NAV1: variants seen among roughly 807,000 people sequenced by gnomAD.
The protein encoded by NAV1 is pore membrane and/or filament interacting like protein 3.
A neutral mutation model predicts 175.2 loss-of-function variants in NAV1; 18 were observed. The ratio of observed to expected loss-of-function variants is 0.10; its 90% CI spans 0.07 to 0.15. The LOEUF is 0.15. Ranked by LOEUF, NAV1 falls within the 10% of genes least tolerant of loss-of-function variation. The pLI is 1.00. For synonymous variants in NAV1, 897 were observed against 978.7 expected (o/e 0.92, Z 1.56); for missense variants, 1,731 against 2,436.6 (o/e 0.71, Z 6.10).
intron 1 of NAV1, among the ~76,000 whole-genome samples, chr1:201,540,972 C>T (rs1665496499): frequency 6.6e-6 from 1 of 152,080 alleles, no homozygotes; most frequent in African/African-American, 2.4e-5. Flanking sequence ...CTGAACTTTC[C>T]AGGTGAAAGA....
chr1:201,811,934 G>A (rs1056794927), exon 26 of NAV1: 1 of 1,614,138 alleles, frequency 6.2e-7, no homozygotes, highest in Admixed American at 1.7e-5. Context: ...CAATCAGCCT[G>A]TAAAAATGAC....
At chr1:201,789,272 C>T (rs557581659) in intron 10 of NAV1, among the ~76,000 whole-genome samples, 1 of 152,246 alleles carries the variant, frequency 6.6e-6, no homozygotes, top group South Asian at 2.1e-4. Flanking sequence ...ATGCATATTC[C>T]TCACTTAAAT....
In NAV1 at chr1:201,786,466, C is replaced by T. The variant is rs1676754553; in HGVS notation, c.2884C>T (p.Arg962Ter). The T allele has an allele frequency of 6.2e-7, 1 of 1,613,748 alleles. No homozygotes were observed. Among genetic ancestry groups the T allele is most frequent in the East Asian group, 2.2e-5 (1 of 44,874 alleles). ...GTCCCAGGAGGAGACCAAGGAGAGG[C>T]GACATTCCCATACCATTGGTGGGCT... Residue 962 changes from arginine to a stop codon, truncating the protein, a stop_gained, in exon 9 of 30, where the codon CGA becomes TGA. Transcript: ENST00000367296. LOFTEE classifies it high-confidence loss of function.
intron 2 of NAV1, among the ~76,000 whole-genome samples, chr1:201,714,602 C>G (rs538923172): frequency 1.3e-5 from 2 of 152,272 alleles, no homozygotes; most frequent in East Asian, 3.9e-4. Context: ...CCCAAGCCCC[C>G]AGCAGGAGCC....
intron 3 of NAV1, among the ~76,000 whole-genome samples, chr1:201,746,736 C>T (rs565726087): frequency 8.5e-5 from 13 of 152,116 alleles, no homozygotes; most frequent in Non-Finnish European, 1.9e-4. Flanking sequence ...TGCAGTGTCT[C>T]GTGCCTGTAA....
At chr1:201,589,970 G>T (rs1234055402) in intron 2 of NAV1, among the ~76,000 whole-genome samples, 1 of 152,158 alleles carries the variant, frequency 6.6e-6, no homozygotes, top group Non-Finnish European at 1.5e-5. Flanking sequence ...TCAGCTCACT[G>T]CAACCTTCGG....
chr1:201,665,102 A>G (rs1012821111), intron 1 of NAV1, among the ~76,000 whole-genome samples: 4 of 152,142 alleles, frequency 2.6e-5, no homozygotes, highest in Non-Finnish European at 4.4e-5. Flanking sequence ...TTGATTAAGA[A>G]GCACCAGCGT....
rs1036834313 is a variant in NAV1, at chr1:201,623,382, G to A, written c.-325G>A. 3 of 985,814 alleles carry A rather than the reference G, an allele frequency of 3.0e-6. No homozygotes were observed. In the African/African-American group the frequency reaches 5.2e-5, roughly 17 times the overall value. The allele number at this position is 985,814 out of a possible 1,614,324, so 61.1% of individuals were successfully genotyped here. ...TACCAGGGGCTCCGGAAGGTCGGAAGCCTCCAAGCTGCCCAGGAAAAGACC... is the reference window on the plus strand; with the variant it reads ...TACCAGGGGCTCCGGAAGGTCGGAAACCTCCAAGCTGCCCAGGAAAAGACC... On this transcript the variant is annotated 5_prime_UTR_variant, in exon 1 of 30. Transcript: ENST00000367302.
chr1:201,560,631 G>T (rs1019379050), intron 1 of NAV1, among the ~76,000 whole-genome samples: 4 of 152,186 alleles, frequency 2.6e-5, no homozygotes, highest in Non-Finnish European at 5.9e-5. Context: ...TGAGAAACAG[G>T]ATATTTAATG....
intron 15 of NAV1, chr1:201,797,222 T>C (rs1207759683): frequency 1.3e-5 from 2 of 152,248 alleles, no homozygotes; most frequent in Admixed American, 6.5e-5. Flanking sequence ...TCCAGCATCA[T>C]TTGCTGAAAA....
rs796304427 is a variant in NAV1 at position 201,684,953 on chromosome 1, C to T, written c.758-27864C>T. On this transcript the variant is annotated intron_variant, in intron 1 of 29. Coordinates refer to ENST00000367296, the Ensembl canonical transcript of NAV1. ...CTCCAGCCTGGGCGACAGAGCAAGA[C>T]TCTGTCTCAAAAAAAAAAAAAAAAC... Among the ~76,000 whole-genome samples, 6 of 127,786 alleles carry T rather than the reference C, an allele frequency of 4.7e-5. No homozygotes were observed. The South Asian group carries it at 1.3e-3, about 28-fold the overall frequency. 83.8% of individuals were successfully genotyped at this position (127,786 alleles called of 152,430 possible). A position where few individuals can be genotyped will look rare whatever the true frequency, so the allele number is the denominator to read the frequency against.
chr1:201,680,713 A>G (rs978354936), intron 1 of NAV1, among the ~76,000 whole-genome samples: 2 of 148,678 alleles, frequency 1.3e-5, no homozygotes, highest in Admixed American at 7.2e-5. Flanking sequence ...CAGCCAAACC[A>G]TATCACTATG....
chr1:201,792,515 T>C (rs1677184712), intron 13 of NAV1: 1 of 151,400 alleles, frequency 6.6e-6, no homozygotes, highest in South Asian at 2.1e-4. Context: ...AGCAAAAGGG[T>C]TCCCCTGGAT....
At chr1:201,688,762 G>C (rs373691934) in intron 1 of NAV1, among the ~76,000 whole-genome samples, 1 of 152,192 alleles carries the variant, frequency 6.6e-6, no homozygotes, top group African/African-American at 2.4e-5. Context: ...ATTCATTAGC[G>C]TCTCTGGCTG....
intron 17 of NAV1, 43 bp downstream of exon 21, chr1:201,804,540 T>G: frequency 6.8e-7 from 1 of 1,470,482 alleles, no homozygotes; most frequent in Non-Finnish European, 9.2e-7. Flanking sequence ...TCTTTCCCTT[T>G]GCCATACCTT....
At chr1:201,684,235 G>A (rs1298970168) in intron 1 of NAV1, among the ~76,000 whole-genome samples, 1 of 152,090 alleles carries the variant, frequency 6.6e-6, no homozygotes, top group African/African-American at 2.4e-5. Flanking sequence ...TTAATGGGAG[G>A]AGGTTTAGAA....
Position 201,788,648 on chromosome 1 carries a change from C to G in NAV1, c.3166+10C>G. On this transcript the variant is annotated intron_variant, in intron 10 of 29. Transcript: ENST00000367296. The surrounding 1 kb of genome is among the most constrained non-coding windows in gnomAD (Gnocchi z 5.7). ...GACCCCACGGACGATGGTGAGACTT[C>G]ATGCTAGCGCGGTTCACGCTCATTC... 6.2e-7 allele frequency: 1 copy of G among 1,600,650 alleles called. No homozygotes were observed. The highest frequency in any genetic ancestry group is 8.5e-7 in the Non-Finnish European group (1 of 1,171,858).
At chr1:201,579,602 C>A (rs537675318) in intron 1 of NAV1, among the ~76,000 whole-genome samples, 1 of 152,294 alleles carries the variant, frequency 6.6e-6, no homozygotes, top group South Asian at 2.1e-4. Context: ...GTGATCCACC[C>A]ACCTCGGCCT....
At chr1:201,634,537 A>G (rs1454901830) in intron 2 of NAV1, among the ~76,000 whole-genome samples, 5 of 152,302 alleles carry the variant, frequency 3.3e-5, no homozygotes, top group African/African-American at 4.8e-5. Flanking sequence ...GGGAGGGGCT[A>G]TGAAGGAAGA....
Sources: gnomAD v4.1 joint callset for allele counts (sites outside exome capture counted in the v4.1 genomes callset) on GRCh38, gnomAD v4.1.1 for gene constraint, Gnocchi (gnomAD v3.1) non-coding constraint, MANE v1.5 for transcripts, NCBI Gene and HGNC (gene_info 2026-07-23, HGNC 2026-07-21) for gene names.